Variants in CEP83 observed in about 807,000 individuals in gnomAD.
The protein encoded by CEP83 is centrosomal protein of 83 kDa.
A neutral mutation model predicts 101.9 loss-of-function variants in CEP83; 70 were observed. The observed-to-expected ratio is 0.69, with a 90% CI of 0.57 to 0.84. CEP83 has a LOEUF of 0.84. Ranked by LOEUF, CEP83 falls within the 40% of genes least tolerant of loss-of-function variation. The pLI is 0.00. For missense variants in CEP83, 715 were observed against 787.2 expected, an observed-to-expected ratio of 0.91 and a Z score of 1.10; for synonymous variants, 264 against 267.9, an observed-to-expected ratio of 0.99 and a Z score of 0.14.
intron 2 of CEP83, chr12:94,424,602 G>A: frequency 1.9e-6 from 3 of 1,613,424 alleles, no homozygotes; most frequent in South Asian, 1.1e-5. Flanking sequence ...ATCTGTGCCT[G>A]TACACCACTG....
At chr12:94,456,341 T>A (rs1375034061) in intron 1 of CEP83, among the ~76,000 whole-genome samples, 1 of 152,216 alleles carries the variant, frequency 6.6e-6, no homozygotes, top group African/African-American at 2.4e-5. Context: ...TAGTTTACTG[T>A]TGCCATTTCC....
At chr12:94,329,369 C>T (rs150759541) in intron 14 of CEP83, among the ~76,000 whole-genome samples, 51 of 152,228 alleles carry the variant, frequency 3.4e-4, no homozygotes, top group African/African-American at 1.2e-3. Context: ...TGGGCTCAAG[C>T]AATCCTCCCA....
At chr12:94,273,113 A>C in the CEP83 span, among the ~76,000 whole-genome samples, 1 of 152,232 alleles carries the variant, frequency 6.6e-6, no homozygotes, top group Non-Finnish European at 1.5e-5. Context: ...AATGGCACCT[A>C]CTTCATAGAG....
At chr12:94,331,920 G>A in intron 13 of CEP83, 91 bp from the exon 14 acceptor site, 1 of 1,158,638 alleles carries the variant, frequency 8.6e-7, no homozygotes, top group African/African-American at 1.5e-5. Context: ...CTCACTACCT[G>A]TCTGACCACA....
At chr12:94,277,559 T>C in the CEP83 span, among the ~76,000 whole-genome samples, 2 of 152,118 alleles carry the variant, frequency 1.3e-5, no homozygotes, top group East Asian at 1.9e-4. Context: ...GTTACACAGC[T>C]GGTTAGGGAT....
downstream of CEP83, among the ~76,000 whole-genome samples, chr12:94,301,832 C>A (rs892719600): frequency 2.0e-5 from 3 of 152,124 alleles, no homozygotes; most frequent in African/African-American, 7.2e-5. Flanking sequence ...CCTAGCATTG[C>A]CTAGTCTCTC....
chr12:94,317,197 C>T (rs570923369), intron 14 of CEP83, among the ~76,000 whole-genome samples: 1 of 152,212 alleles, frequency 6.6e-6, no homozygotes, highest in African/African-American at 2.4e-5. Flanking sequence ...ATTTCATATG[C>T]TTGTTGGTCA....
At chr12:94,404,708 T>C (rs1338555969) in intron 4 of CEP83, among the ~76,000 whole-genome samples, 1 of 152,130 alleles carries the variant, frequency 6.6e-6, no homozygotes, top group Non-Finnish European at 1.5e-5. Context: ...ATTTATTTTA[T>C]TTAAAATGAA....
chr12:94,299,065 T>G, the CEP83 span, among the ~76,000 whole-genome samples: 2 of 152,242 alleles, frequency 1.3e-5, no homozygotes, highest in African/African-American at 2.4e-5. Context: ...GAAATTTAAG[T>G]TGACCAGTAA....
intron 1 of CEP83, among the ~76,000 whole-genome samples, chr12:94,450,528 G>A (rs1359599966): frequency 1.3e-5 from 2 of 152,218 alleles, no homozygotes; most frequent in Non-Finnish European, 2.9e-5. Flanking sequence ...TGGGATTACA[G>A]GCGTGAGCCA....
At chr12:94,420,557 TGA>T (rs1447259076) in intron 2 of CEP83, among the ~76,000 whole-genome samples, 1 of 152,184 alleles carries the variant, frequency 6.6e-6, no homozygotes, top group East Asian at 1.9e-4. Flanking sequence ...TAAAACCTTA[TGA>T]GAGTTTGTTT....
chr12:94,452,727 G>A (rs1171560122), intron 1 of CEP83, among the ~76,000 whole-genome samples: 3 of 152,164 alleles, frequency 2.0e-5, no homozygotes, highest in African/African-American at 7.2e-5. Context: ...GAAAGAATAT[G>A]ACGGGGGATG....
At chr12:94,431,115 G>A (rs1008750284) in intron 2 of CEP83, among the ~76,000 whole-genome samples, 19 of 152,030 alleles carry the variant, frequency 1.2e-4, no homozygotes, top group Non-Finnish European at 2.2e-4. Flanking sequence ...ATATACAAAG[G>A]AAACATTATT....
At chr12:94,284,317 G>C in the CEP83 span, among the ~76,000 whole-genome samples, 1 of 152,196 alleles carries the variant, frequency 6.6e-6, no homozygotes, top group East Asian at 1.9e-4. Context: ...GGCTGTTGTT[G>C]TCTTTGTTTT....
At chr12:94,440,794 T>C (rs2066345720) in intron 1 of CEP83, among the ~76,000 whole-genome samples, 2 of 152,134 alleles carry the variant, frequency 1.3e-5, no homozygotes, top group African/African-American at 4.8e-5. Flanking sequence ...ACCAAGGCTA[T>C]AGTTACCAAA....
At chr12:94,301,099 G>A in the CEP83 span, 1 of 1,573,298 alleles carries the variant, frequency 6.4e-7, no homozygotes, top group Non-Finnish European at 8.7e-7. Context: ...AGTCTTATGA[G>A]TTTGACATAC....
rs556743544 is a variant in CEP83, at chr12:94,382,839, G to T, written c.550-3797C>A. ...GAATACTTCAAAAGAACATGTCTGG[G>T]TGTTCTCCTTGGGTGGCATGTTTTA... On this transcript the variant is annotated intron_variant, in intron 6 of 16. Transcript: ENST00000397809. Among the ~76,000 whole-genome samples, 3 of 152,090 alleles carry T rather than the reference G, an allele frequency of 2.0e-5. No individual in the cohort carries two copies. In the East Asian group the frequency reaches 5.8e-4, roughly 29 times the overall value.
the CEP83 span, among the ~76,000 whole-genome samples, chr12:94,274,968 T>G: frequency 6.6e-6 from 1 of 152,242 alleles, no homozygotes; most frequent in African/African-American, 2.4e-5. Flanking sequence ...GCTATTATTA[T>G]GTGTCATTAT....
chr12:94,419,301 A>T (rs1050006193), intron 2 of CEP83, among the ~76,000 whole-genome samples: 1 of 152,132 alleles, frequency 6.6e-6, no homozygotes, highest in Non-Finnish European at 1.5e-5. Flanking sequence ...AAACCTAGGT[A>T]AAAAGATGTG....
Sources: gnomAD v4.1 joint callset for allele counts (sites outside exome capture counted in the v4.1 genomes callset) on GRCh38, gnomAD v4.1.1 for gene constraint, MANE v1.5 for transcripts, NCBI Gene and HGNC (gene_info 2026-07-23, HGNC 2026-07-21) for gene names.